The following EVI5 variants were observed in gnomAD, a reference collection of about 807,000 sequenced individuals.
The protein encoded by EVI5 is ecotropic viral integration site 5, also known as ecotropic viral integration site 5 protein homolog.
Under a neutral mutation model 112.0 loss-of-function variants are expected in EVI5, and 73 were observed. That is an observed-to-expected ratio of 0.65 (90% confidence interval 0.54 to 0.79). The LOEUF is 0.79. EVI5 is among the 30% of genes least tolerant of loss of function. The probability of loss-of-function intolerance (pLI) is 0.00; values close to 1 mark genes in which losing one functional copy is unlikely to be tolerated. For synonymous variants in EVI5, 305 were observed against 319.9 expected (o/e 0.95, Z 0.50); for missense variants, 900 against 968.8 (o/e 0.93, Z 0.94).
intron 6 of EVI5, 89 bp from the exon 7 acceptor site, chr1:92,695,542 C>T: frequency 1.3e-6 from 1 of 772,670 alleles, no homozygotes; most frequent in Non-Finnish European, 2.0e-6. Flanking sequence ...CTATACCAAA[C>T]ACAGATTAGA....
At chr1:92,743,546 T>C (rs1191810949) in intron 1 of EVI5, among the ~76,000 whole-genome samples, 1 of 152,086 alleles carries the variant, frequency 6.6e-6, no homozygotes, top group Admixed American at 6.6e-5. Context: ...TATTGATTAG[T>C]GGCCACAGAG....
At position 92,528,598 on chromosome 1, in the gene EVI5, T is replaced by C. The variant is rs952212728; in HGVS notation, c.2167-14628A>G. ...ATGCACAAACTACAATATATTCATATGAGATACTACTATACAGTAGCAAAA... is the reference window on the plus strand; with the variant it reads ...ATGCACAAACTACAATATATTCATACGAGATACTACTATACAGTAGCAAAA... On this transcript the variant is annotated intron_variant, in intron 19 of 19. Coordinates refer to ENST00000684568, the MANE Select transcript of EVI5 (RefSeq NM_001350197.2). 5.9e-5 allele frequency among the ~76,000 whole-genome samples: 9 copies of C among 152,346 alleles called. 1 individual carries two copies. The highest frequency in any genetic ancestry group is 3.9e-4 in the Admixed American group (6 of 15,298).
chr1:92,745,988 T>A (rs1180234190), intron 1 of EVI5, among the ~76,000 whole-genome samples: 1 of 152,220 alleles, frequency 6.6e-6, no homozygotes, highest in Non-Finnish European at 1.5e-5. Flanking sequence ...CCTAACTTAG[T>A]TGGCAAACTA....
chr1:92,741,611 G>A (rs746128327), intron 1 of EVI5, among the ~76,000 whole-genome samples: 4 of 152,074 alleles, frequency 2.6e-5, no homozygotes, highest in Non-Finnish European at 4.4e-5. Context: ...TCAGAAAACT[G>A]GGCTGATGGG....
intron 2 of EVI5, among the ~76,000 whole-genome samples, chr1:92,715,035 T>G (rs1673401175): frequency 4.6e-5 from 7 of 152,116 alleles, no homozygotes; most frequent in Admixed American, 4.6e-4. Flanking sequence ...AGATGGAGTC[T>G]CACTCTGTCA....
At chr1:92,522,807 G>C (rs1661198946) in intron 19 of EVI5, among the ~76,000 whole-genome samples, 1 of 152,032 alleles carries the variant, frequency 6.6e-6, no homozygotes, top group Admixed American at 6.6e-5. Context: ...ACCTAGGCTA[G>C]AGTGCAAGGA....
At chr1:92,785,539 G>C (rs947857299), upstream of EVI5, among the ~76,000 whole-genome samples, 13 of 152,182 alleles carry the variant, frequency 8.5e-5, no homozygotes, top group African/African-American at 1.9e-4. Flanking sequence ...TAATCAACGC[G>C]TAAATGACAC....
At chr1:92,528,003 T>C (rs1229586645) in intron 19 of EVI5, among the ~76,000 whole-genome samples, 6 of 152,244 alleles carry the variant, frequency 3.9e-5, no homozygotes, top group Non-Finnish European at 4.4e-5. Flanking sequence ...AAAGAAGATT[T>C]AGTAAATACT....
chr1:92,620,339 T>A (rs1571927176), intron 16 of EVI5, among the ~76,000 whole-genome samples: 4 of 117,824 alleles, frequency 3.4e-5, no homozygotes, highest in African/African-American at 3.3e-5. Flanking sequence ...AGAGTGAAAC[T>A]CCATCTCAAA....
chr1:92,579,850 G>T (rs188417422), intron 18 of EVI5, among the ~76,000 whole-genome samples: 2 of 152,202 alleles, frequency 1.3e-5, no homozygotes, highest in Non-Finnish European at 2.9e-5. Flanking sequence ...TAACTTAAAC[G>T]GTCGCTTGTG....
chr1:92,614,450 CTG>C (rs1652577760), intron 16 of EVI5, among the ~76,000 whole-genome samples: 1 of 152,092 alleles, frequency 6.6e-6, no homozygotes, highest in African/African-American at 2.4e-5. Context: ...AGTATTGATC[CTG>C]TGTGTGTCTG....
intron 19 of EVI5, among the ~76,000 whole-genome samples, chr1:92,551,040 C>CTTTTTTTTTT (rs55898086): frequency 4.5e-4 from 36 of 80,730 alleles, no homozygotes; most frequent in African/African-American, 5.6e-4. Flanking sequence ...TTCTTTCTTT[C>CTTTTTTTTTT]TTTTTTTTTT....
intron 19 of EVI5, among the ~76,000 whole-genome samples, chr1:92,533,160 C>T (rs1331202344): frequency 6.6e-6 from 1 of 152,120 alleles, no homozygotes; most frequent in Non-Finnish European, 1.5e-5. Flanking sequence ...ATGCCATAAA[C>T]ACCTCTATGC....
chr1:92,665,897 C>A, intron 11 of EVI5, 42 bp downstream of exon 11: 1 of 1,356,666 alleles, frequency 7.4e-7, no homozygotes, highest in Non-Finnish European at 1.0e-6. Flanking sequence ...GAAAAAACAC[C>A]AGGCATTCAA....
intron 18 of EVI5, among the ~76,000 whole-genome samples, chr1:92,590,129 G>A (rs962452562): frequency 2.0e-5 from 3 of 152,208 alleles, no homozygotes; most frequent in Non-Finnish European, 2.9e-5. Flanking sequence ...CACCATCATC[G>A]AAGACCAAAC....
chr1:92,655,861 T>C (rs1329424962), intron 13 of EVI5, among the ~76,000 whole-genome samples: 1 of 152,012 alleles, frequency 6.6e-6, no homozygotes, highest in Non-Finnish European at 1.5e-5. Flanking sequence ...TCTCAGGACA[T>C]CCTGAGACAG....
intron 18 of EVI5, among the ~76,000 whole-genome samples, chr1:92,603,871 A>G (rs1157524652): frequency 6.6e-6 from 1 of 151,924 alleles, no homozygotes; most frequent in East Asian, 1.9e-4. Context: ...CGCGACTGGG[A>G]CTATAGGTGC....
rs112440892 is a variant in EVI5, at chr1:92,664,337, C to G, written c.1213-885G>C. ...GAATTCTAAGTGCTAAGTGACACAT[C>G]TGGGCCATCTAAGCCAATAAAAAAA... On this transcript the variant is annotated intron_variant, in intron 11 of 19. Coordinates refer to ENST00000684568, the MANE Select transcript of EVI5 (RefSeq NM_001350197.2). Among the ~76,000 whole-genome samples, 886 of 152,196 alleles carry G rather than the reference C, an allele frequency of 5.8e-3. 8 individuals are homozygous for G. The highest frequency in any genetic ancestry group is 0.019 in the African/African-American group (787 of 41,546).
At chr1:92,544,121 G>C (rs1175370596) in intron 19 of EVI5, among the ~76,000 whole-genome samples, 1 of 152,198 alleles carries the variant, frequency 6.6e-6, no homozygotes, top group Non-Finnish European at 1.5e-5. Context: ...GTCCAGAATT[G>C]GGAAATGTGT....
Sources: gnomAD v4.1 joint callset for allele counts (sites outside exome capture counted in the v4.1 genomes callset) on GRCh38, gnomAD v4.1.1 for gene constraint, MANE v1.5 for transcripts, NCBI Gene and HGNC (gene_info 2026-07-23, HGNC 2026-07-21) for gene names.